The following DHRSX variants were observed in gnomAD, a reference collection of about 807,000 sequenced individuals.
DHRSX encodes polyprenol dehydrogenase.
DHRSX carries 31 observed loss-of-function variants against 34.0 expected under a neutral mutation model. The observed-to-expected ratio is 0.91, with a 90% CI of 0.69 to 1.23. The LOEUF (loss-of-function observed/expected upper bound fraction) is 1.23, where lower values mean the gene tolerates loss of function less well. DHRSX is among the 50% of genes most tolerant of loss of function. The pLI, the probability that DHRSX is intolerant of heterozygous loss-of-function variation, is 0.00. For missense variants in DHRSX, 414 were observed against 428.1 expected, an observed-to-expected ratio of 0.97 and a Z score of 0.29; for synonymous variants, 201 against 183.8, an observed-to-expected ratio of 1.09 and a Z score of -0.76.
chrX:2,333,959 C>T (rs1224895873), intron 3 of DHRSX, among the ~76,000 whole-genome samples: 1 of 152,112 alleles, frequency 6.6e-6, no homozygotes, highest in Non-Finnish European at 1.5e-5. Flanking sequence ...CAGTATTCCA[C>T]GACGTACATG....
chrX:2,225,090 C>G (rs1209335690), intron 6 of DHRSX, among the ~76,000 whole-genome samples: 8 of 150,486 alleles, frequency 5.3e-5, no homozygotes, highest in Non-Finnish European at 1.2e-4. Flanking sequence ...CTCACTCATT[C>G]ACATGCACAC....
intron 3 of DHRSX, among the ~76,000 whole-genome samples, chrX:2,330,560 GAGGGGAGGGA>G (rs1303272744): frequency 7.0e-6 from 1 of 141,940 alleles, no homozygotes; most frequent in Non-Finnish European, 1.5e-5. Context: ...GAAGGGAGGG[GAGGGGAGGGA>G]AGGGGAGGGG....
At chrX:2,325,353 C>A (rs2042369629) in intron 3 of DHRSX, among the ~76,000 whole-genome samples, 1 of 152,064 alleles carries the variant, frequency 6.6e-6, no homozygotes, top group African/African-American at 2.4e-5. Context: ...AGGGACTAGA[C>A]ACGTTCAAGA....
chrX:2,440,277 T>C (rs1378647705), intron 1 of DHRSX, among the ~76,000 whole-genome samples: 2 of 149,158 alleles, frequency 1.3e-5, no homozygotes, highest in African/African-American at 5.0e-5. Flanking sequence ...CATGGCTCAC[T>C]GCAGCCTCAA....
chrX:2,354,342 T>C (rs1247988735), intron 3 of DHRSX, among the ~76,000 whole-genome samples: 2 of 152,190 alleles, frequency 1.3e-5, no homozygotes, highest in African/African-American at 4.8e-5. Context: ...TACAGCAGCA[T>C]GGAACACGCC....
At chrX:2,468,352 T>G (rs73179216) in intron 1 of DHRSX, among the ~76,000 whole-genome samples, 10,830 of 152,168 alleles carry the variant, frequency 0.071, 603 homozygotes, top group South Asian at 0.24. Context: ...AGATGGCCAC[T>G]TGCAGAGAGG....
At chrX:2,237,135 G>A (rs998698473) in intron 6 of DHRSX, among the ~76,000 whole-genome samples, 77 of 152,008 alleles carry the variant, frequency 5.1e-4, no homozygotes, top group African/African-American at 1.7e-3. Flanking sequence ...GCAGTGAGCC[G>A]AGATCGCACC....
At chrX:2,226,526 C>T (rs1296132971) in intron 6 of DHRSX, among the ~76,000 whole-genome samples, 1 of 152,096 alleles carries the variant, frequency 6.6e-6, no homozygotes, top group Non-Finnish European at 1.5e-5. Context: ...AAAACACAGG[C>T]GCGGTAGCTC....
chrX:2,400,900 G>T (rs868829463), intron 3 of DHRSX, among the ~76,000 whole-genome samples: 4 of 152,100 alleles, frequency 2.6e-5, no homozygotes, highest in Non-Finnish European at 5.9e-5. Flanking sequence ...GGTTCACAAA[G>T]ATCTATTTTC....
At chrX:2,474,802 C>T (rs2044650515) in intron 1 of DHRSX, among the ~76,000 whole-genome samples, 1 of 151,510 alleles carries the variant, frequency 6.6e-6, no homozygotes, top group Admixed American at 6.6e-5. Context: ...CAAGAGACTG[C>T]CACCATATAC....
intron 1 of DHRSX, among the ~76,000 whole-genome samples, chrX:2,493,361 G>C (rs1319905780): frequency 6.6e-6 from 1 of 152,068 alleles, no homozygotes; most frequent in East Asian, 1.9e-4. Context: ...ACAGGTTTTG[G>C]TAATTGGGAG....
intron 1 of DHRSX, among the ~76,000 whole-genome samples, chrX:2,492,043 AC>A (rs2045163233): frequency 1.3e-5 from 2 of 152,154 alleles, no homozygotes; most frequent in African/African-American, 4.8e-5. Context: ...AAAATGCACC[AC>A]CCAGGCACGT....
chrX:2,377,642 G>A (rs933053335), intron 3 of DHRSX, among the ~76,000 whole-genome samples: 23 of 152,132 alleles, frequency 1.5e-4, no homozygotes, highest in African/African-American at 5.5e-4. Flanking sequence ...AGCCAGAAGA[G>A]ATAGCGGAGG....
chrX:2,476,398 C>CA (rs34249061), intron 1 of DHRSX, among the ~76,000 whole-genome samples: 14,872 of 102,690 alleles, frequency 0.14, 907 homozygotes, highest in South Asian at 0.35. Context: ...AACTCCATCT[C>CA]AAAAAAAAAA....
rs1361813856 is a variant in DHRSX at position 2,375,787 on chromosome X, C to G, written c.286+32958G>C. Among the ~76,000 whole-genome samples the G allele has an allele frequency of 2.2e-5, 3 of 136,268 alleles. No individual in the cohort carries two copies. In the East Asian group the frequency reaches 6.0e-4, roughly 27 times the overall value. 89.4% of individuals were successfully genotyped at this position (136,268 alleles called of 152,430 possible). On this transcript the variant is annotated intron_variant, in intron 3 of 6. Coordinates refer to ENST00000334651, the MANE Select transcript of DHRSX (RefSeq NM_145177.3). ...AGCTACGACTACAGGCGTGCACCCC[C>G]ACGCCTGGCTAATTTTTGTATTTTT...
At chrX:2,462,325 T>C (rs2044414084) in intron 1 of DHRSX, among the ~76,000 whole-genome samples, 1 of 151,322 alleles carries the variant, frequency 6.6e-6, no homozygotes, top group Admixed American at 6.6e-5. Context: ...CGTTCATAAA[T>C]GTTTTTTTCT....
intron 5 of DHRSX, among the ~76,000 whole-genome samples, chrX:2,266,023 TC>T (rs1169421388): frequency 1.7e-4 from 6 of 34,454 alleles, no homozygotes; most frequent in African/African-American, 2.5e-4. Flanking sequence ...GAAGCACTGT[TC>T]CCAGAGCACC....
chrX:2,362,407 T>C (rs2042943921), intron 3 of DHRSX, among the ~76,000 whole-genome samples: 1 of 152,130 alleles, frequency 6.6e-6, no homozygotes. Context: ...TTCAAGCAAT[T>C]CTTCTGCCTC....
At chrX:2,326,409 G>A (rs1168061076) in intron 3 of DHRSX, among the ~76,000 whole-genome samples, 9 of 152,272 alleles carry the variant, frequency 5.9e-5, no homozygotes, top group African/African-American at 2.2e-4. Context: ...TGTAATCCCA[G>A]CTACTCGGGA....
Sources: gnomAD v4.1 joint callset for allele counts (sites outside exome capture counted in the v4.1 genomes callset) on GRCh38, gnomAD v4.1.1 for gene constraint, MANE v1.5 for transcripts, NCBI Gene and HGNC (gene_info 2026-07-23, HGNC 2026-07-21) for gene names.